The following USP47 variants were observed in gnomAD, a reference collection of about 807,000 sequenced individuals.
USP47 encodes ubiquitin carboxyl-terminal hydrolase 47.
USP47 carries 35 observed loss-of-function variants against 165.1 expected under a neutral mutation model. The observed-to-expected ratio is 0.21, with a 90% CI of 0.16 to 0.28. The LOEUF (loss-of-function observed/expected upper bound fraction) is 0.28. Among genes scored for constraint, USP47 ranks in the 10% least tolerant of loss-of-function variants. The pLI is 1.00. For synonymous variants in USP47, 531 were observed against 544.5 expected, an observed-to-expected ratio of 0.98 and a Z score of 0.35; for missense variants, 1,277 against 1,607.4, an observed-to-expected ratio of 0.79 and a Z score of 3.52.
chr11:11,930,232 G>T, intron 13 of USP47, 112 bp downstream of exon 13: 1 of 931,444 alleles, frequency 1.1e-6, no homozygotes, highest in East Asian at 2.6e-5. Context: ...CAACCCATGA[G>T]CCAAATCCAA....
chr11:11,842,281 G>A (rs1848167387), intron 1 of USP47, 57 bp downstream of exon 1: 3 of 1,529,686 alleles, frequency 2.0e-6, no homozygotes, highest in South Asian at 2.4e-5. Flanking sequence ...AGGCAACACA[G>A]GCCCGGGCCG....
rs183282451 is a variant in USP47 at position 11,851,281 on chromosome 11, C to A, written c.39+9057C>A. Reference sequence around the variant, plus strand: ...TCAATTGAGCATGTTGTCCTCTAGTCTAGATATATCCTGTTATATGCTCTC... The same window carrying A: ...TCAATTGAGCATGTTGTCCTCTAGTATAGATATATCCTGTTATATGCTCTC... On this transcript the variant is annotated intron_variant, in intron 1 of 27. Transcript: ENST00000527733. Among the ~76,000 whole-genome samples the A allele has an allele frequency of 1.4e-3, 215 of 152,296 alleles. 2 individuals carry two copies. Among genetic ancestry groups the A allele is most frequent in the African/African-American group, 4.6e-3 (190 of 41,556 alleles).
At chr11:11,865,946 T>C (rs1456060091) in intron 1 of USP47, among the ~76,000 whole-genome samples, 1 of 152,182 alleles carries the variant, frequency 6.6e-6, no homozygotes, top group African/African-American at 2.4e-5. Context: ...AGTTTGCAAA[T>C]ATTTTCTCCC....
chr11:11,943,386 G>A, intron 20 of USP47: 1 of 226,020 alleles, frequency 4.4e-6, no homozygotes, highest in South Asian at 1.6e-4. Flanking sequence ...AAAAAATTAG[G>A]GAATATATTA....
At position 11,942,639 on chromosome 11, in the gene USP47, A is replaced by T; in HGVS notation, c.2618A>T (p.Asn873Ile). 6.2e-7 allele frequency: 1 copy of T among 1,613,548 alleles called. No homozygotes were observed. Among genetic ancestry groups the T allele is most frequent in the Non-Finnish European group, 8.5e-7 (1 of 1,179,774 alleles). Residue 873 changes from asparagine (N) to isoleucine (I), a missense_variant, in exon 20 of 28, where the codon AAT (asparagine) becomes ATT (isoleucine). Asn to Ile is a moderately radical substitution (Grantham distance 149). Coordinates refer to ENST00000527733, the MANE Select transcript of USP47 (RefSeq NM_001282659.2). ...CTGCAGCAACAGCAGGATGGAGATA[A>T]TGGGGACAGCAGCAAAAGTACTGAG... Reference protein sequence around the residue: ...LSLQQQQDGDNGDSSKSTETS... With the variant: ...LSLQQQQDGDIGDSSKSTETS...
At chr11:11,927,932 C>G (rs1432271349) in intron 11 of USP47, among the ~76,000 whole-genome samples, 1 of 152,030 alleles carries the variant, frequency 6.6e-6, no homozygotes, top group East Asian at 1.9e-4. Context: ...TCTGTCATGA[C>G]TGTATTATCT....
At chr11:11,854,816 G>A (rs1257838031) in intron 1 of USP47, among the ~76,000 whole-genome samples, 2 of 147,116 alleles carry the variant, frequency 1.4e-5, no homozygotes, top group African/African-American at 2.4e-5. Context: ...CACATAGGCC[G>A]GGTGTGGTGG....
rs566796675 is a variant in USP47 at position 11,958,621 on chromosome 11, G to A, written c.*2446G>A. On this transcript the variant is annotated 3_prime_UTR_variant, in exon 28 of 28. Transcript: ENST00000527733. ...CCCTGCTCCCCACAAGTCATGCAAA[G>A]GTTTTGAAGAGCTTTTACCGTGGGG... is the stretch of plus-strand genomic sequence containing the variant. 1 of 152,194 alleles carries A rather than the reference G, an allele frequency of 6.6e-6. No homozygotes were observed. The highest frequency in any genetic ancestry group is 1.5e-5 in the Non-Finnish European group (1 of 68,022). 9.4% of individuals were successfully genotyped at this position (152,194 alleles called of 1,614,324 possible). A position where few individuals can be genotyped will look rare whatever the true frequency, so the allele number is the denominator to read the frequency against.
At chr11:11,907,675 A>G (rs1852658406) in intron 8 of USP47, among the ~76,000 whole-genome samples, 1 of 152,210 alleles carries the variant, frequency 6.6e-6, no homozygotes, top group Non-Finnish European at 1.5e-5. Context: ...AAATCTGGTT[A>G]AAAGAGGTAC....
chr11:11,920,053 C>T (rs1853717335), intron 8 of USP47, 103 bp from the exon 9 acceptor site: 1 of 810,064 alleles, frequency 1.2e-6, no homozygotes, highest in Non-Finnish European at 1.7e-6. Flanking sequence ...AAATTTCTAA[C>T]CATTCTACTT....
chr11:11,920,573 A>G, intron 10 of USP47, 79 bp downstream of exon 10: 1 of 1,323,068 alleles, frequency 7.6e-7, no homozygotes, highest in South Asian at 1.6e-5. Context: ...GTTTGAGGTA[A>G]TAACACTGAT....
chr11:11,947,827 T>A, intron 20 of USP47, 118 bp from the exon 21 acceptor site: 1 of 1,025,574 alleles, frequency 9.8e-7, no homozygotes, highest in East Asian at 2.7e-5. Flanking sequence ...AAAGTCTAAC[T>A]GAAAAGGGGT....
At chr11:11,846,174 A>G (rs1848415641) in intron 1 of USP47, among the ~76,000 whole-genome samples, 1 of 152,048 alleles carries the variant, frequency 6.6e-6, no homozygotes, top group South Asian at 2.1e-4. Flanking sequence ...ATTGTAGTAT[A>G]TTGATTTCTG....
intron 8 of USP47, among the ~76,000 whole-genome samples, chr11:11,912,414 AAAC>A: frequency 6.6e-6 from 1 of 152,282 alleles, no homozygotes; most frequent in African/African-American, 2.4e-5. Flanking sequence ...GGATCACAAC[AAAC>A]AACTCTGCAC....
intron 11 of USP47, among the ~76,000 whole-genome samples, 193 bp downstream of exon 11, chr11:11,923,084 A>ATG (rs1853977340): frequency 1.5e-5 from 2 of 133,168 alleles, no homozygotes; most frequent in Non-Finnish European, 3.2e-5. Context: ...ATATATATAT[A>ATG]TGACTATAAT....
intron 17 of USP47, 82 bp downstream of exon 17, chr11:11,936,592 C>G: frequency 8.5e-7 from 1 of 1,180,966 alleles, no homozygotes; most frequent in African/African-American, 1.6e-5. Flanking sequence ...TAGAAATGAA[C>G]ATAATTTAAA....
chr11:11,846,843 C>G (rs1848455091), intron 1 of USP47, among the ~76,000 whole-genome samples: 1 of 152,054 alleles, frequency 6.6e-6, no homozygotes, highest in Non-Finnish European at 1.5e-5. Context: ...AGGAAATGTG[C>G]TGCAATTGTC....
intron 2 of USP47, among the ~76,000 whole-genome samples, chr11:11,883,737 G>A (rs4597067): frequency 0.78 from 119,355 of 152,124 alleles, 47,574 homozygotes; most frequent in African/African-American, 0.93. Flanking sequence ...TCATCCACCA[G>A]CTAGAGTATA....
intron 4 of USP47, among the ~76,000 whole-genome samples, chr11:11,896,734 C>G (rs543941678): frequency 6.6e-6 from 1 of 151,820 alleles, no homozygotes; most frequent in Non-Finnish European, 1.5e-5. Context: ...GGCTCTAATA[C>G]GGATTAAATA....
Sources: gnomAD v4.1 joint callset for allele counts (sites outside exome capture counted in the v4.1 genomes callset) on GRCh38, gnomAD v4.1.1 for gene constraint, MANE v1.5 for transcripts, NCBI Gene and HGNC (gene_info 2026-07-23, HGNC 2026-07-21) for gene names.